The following NOD1 variants were observed in gnomAD, a reference collection of about 807,000 sequenced individuals.
NOD1 encodes nucleotide-binding oligomerization domain-containing protein 1.
NOD1 carries 70 observed loss-of-function variants against 81.2 expected under a neutral mutation model. The observed-to-expected ratio is 0.86, with a 90% CI of 0.71 to 1.05. The LOEUF (loss-of-function observed/expected upper bound fraction) is 1.05. Among genes scored for constraint, NOD1 ranks in the 50% least tolerant of loss-of-function variants. The pLI, the probability that NOD1 is intolerant of heterozygous loss-of-function variation, is 0.00. For synonymous variants in NOD1, 508 were observed against 526.9 expected, an observed-to-expected ratio of 0.96 and a Z score of 0.49; for missense variants, 1,233 against 1,228.0, an observed-to-expected ratio of 1.00 and a Z score of -0.06.
At chr7:30,446,493 C>T (rs746609016) in intron 8 of NOD1, 1 of 495,782 alleles carries the variant, frequency 2.0e-6, no homozygotes, top group Non-Finnish European at 3.6e-6. Context: ...TCTAATTGAC[C>T]TCAGCAGCAT....
At chr7:30,439,280 G>T (rs928006757) in intron 9 of NOD1, among the ~76,000 whole-genome samples, 2 of 141,146 alleles carry the variant, frequency 1.4e-5, no homozygotes, top group African/African-American at 3.2e-5. Flanking sequence ...GAACAGCTCC[G>T]GTCTACAGCT....
At position 30,451,241 on chromosome 7, in the gene NOD1, A is replaced by C. The variant is rs529703767; in HGVS notation, c.2176T>G (p.Cys726Gly). The C allele has an allele frequency of 6.2e-7, 1 of 1,613,718 alleles. No homozygotes were observed. The highest frequency in any genetic ancestry group is 1.3e-5 in the African/African-American group (1 of 75,046). ...CTGAGAACAGTGAGGCGGCTGAAGC[A>C]GGGCTGCAGCTCCCGCACGCCGTAG... ...NDYGVRELQP[C>G]FSRLTVLRLS... The change falls in exon 6 of 14, where the codon TGC becomes GGC. Residue 726 changes from cysteine to glycine, a missense_variant. Cys to Gly is a radical substitution (Grantham distance 159, BLOSUM62 -3). Coordinates refer to ENST00000222823, the MANE Select transcript of NOD1 (RefSeq NM_006092.4). The surrounding 1 kb of genome is among the most constrained non-coding windows in gnomAD (Gnocchi z 4.2).
Position 30,451,635 on chromosome 7 carries a change from C to G in NOD1, c.1782G>C (p.Gly594=). The G allele has an allele frequency of 6.2e-7, 1 of 1,613,964 alleles. No individual in the cohort carries two copies. The highest frequency in any genetic ancestry group is 1.7e-5 in the Admixed American group (1 of 60,024). ...GTTTCTGTTTGGCTTTGGACAACAG[C>G]CCGCACAGGAAGAGGTTGGTGAACT... ...HFQFTNLFLC[G]LLSKAKQKLL... The change falls in exon 6 of 14, where the codon GGG becomes GGC. Residue 594 remains glycine, a synonymous_variant. Coordinates refer to ENST00000222823, the MANE Select transcript of NOD1 (RefSeq NM_006092.4). The surrounding 1 kb of genome is among the most constrained non-coding windows in gnomAD (Gnocchi z 4.2).
chr7:30,453,054 G>A lies in NOD1; in HGVS notation c.377-14C>T, dbSNP rs751079226. 12 of 1,590,740 alleles carry A rather than the reference G, an allele frequency of 7.5e-6. No individual in the cohort carries two copies. In the East Asian group the frequency reaches 2.0e-4, roughly 27 times the overall value. On this transcript the variant is annotated splice_polypyrimidine_tract_variant and intron_variant, in intron 5 of 13. Transcript: ENST00000222823. Reference sequence around the variant, plus strand: ...TATACCTGCTCACTGGAGGGAGGGGGTGGCAGGGCACAGCAGCAGGGTGAG... The same window carrying A: ...TATACCTGCTCACTGGAGGGAGGGGATGGCAGGGCACAGCAGCAGGGTGAG...
intron 1 of NOD1, chr7:30,460,614 C>T: frequency 1.1e-5 from 11 of 985,358 alleles, no homozygotes; most frequent in Non-Finnish European, 1.2e-5. Context: ...GATGGATCAC[C>T]AAGTGGAAAA....
chr7:30,457,073 CAA>C, intron 3 of NOD1, 31 bp from the exon 4 acceptor site: 1 of 646,264 alleles, frequency 1.5e-6, no homozygotes. Flanking sequence ...ATCAGCAAAG[CAA>C]AAGCTACAGA....
At chr7:30,460,964 A>C (rs1309767750) in intron 1 of NOD1, among the ~76,000 whole-genome samples, 1 of 152,238 alleles carries the variant, frequency 6.6e-6, no homozygotes, top group Non-Finnish European at 1.5e-5. Context: ...AAAAGGAAGC[A>C]GGGATTGCAG....
intron 11 of NOD1, 177 bp from the exon 12 acceptor site, chr7:30,433,356 T>A (rs1021953015): frequency 3.4e-6 from 2 of 584,164 alleles, no homozygotes. Flanking sequence ...AGAAGGTCAA[T>A]GGGACTCATT....
chr7:30,477,866 T>G (rs906403608), intron 1 of NOD1, among the ~76,000 whole-genome samples: 1 of 138,882 alleles, frequency 7.2e-6, no homozygotes, highest in Non-Finnish European at 1.5e-5. Context: ...ATCAAGGCCA[T>G]GGGTTTACTA....
chr7:30,454,145 C>T (rs1255735418), intron 5 of NOD1, among the ~76,000 whole-genome samples: 4 of 152,212 alleles, frequency 2.6e-5, no homozygotes, highest in Non-Finnish European at 5.9e-5. Flanking sequence ...GACACTCTGC[C>T]GGCTGGCCTT....
chr7:30,433,309 A>G (rs1784105536), intron 11 of NOD1, 130 bp from the exon 12 acceptor site: 1 of 675,320 alleles, frequency 1.5e-6, no homozygotes. Flanking sequence ...AGAACCCAGA[A>G]AACAGCCAGG....
intron 13 of NOD1, among the ~76,000 whole-genome samples, chr7:30,426,657 AC>A (rs1783483144): frequency 6.6e-6 from 1 of 152,016 alleles, no homozygotes; most frequent in Non-Finnish European, 1.5e-5. Flanking sequence ...TAGGATAAAG[AC>A]CAAAATGCAC....
intron 1 of NOD1, among the ~76,000 whole-genome samples, chr7:30,466,939 G>A (rs889245307): frequency 6.6e-6 from 1 of 152,092 alleles, no homozygotes; most frequent in Admixed American, 6.5e-5. Flanking sequence ...CTCCCAACTT[G>A]TGTTGGGTCC....
intron 9 of NOD1, among the ~76,000 whole-genome samples, chr7:30,438,662 A>G (rs1489896902): frequency 6.6e-6 from 1 of 152,240 alleles, no homozygotes; most frequent in Non-Finnish European, 1.5e-5. Context: ...AAGAGTTTTC[A>G]GTGTTTTGCT....
rs140433781 is a variant in NOD1, at chr7:30,436,507, C to T, written c.2538-426G>A. Among the ~76,000 whole-genome samples, 209 of 152,354 alleles carry T rather than the reference C, an allele frequency of 1.4e-3. 1 individual carries two copies. Among genetic ancestry groups the T allele is most frequent in the African/African-American group, 4.7e-3 (195 of 41,588 alleles). The stretch of plus-strand genomic sequence containing the variant: ...TTTTCAGTGGTAGGAAGAACAGCAG[C>T]AGAGCCGTGGACATACCAAGGTCCC... On this transcript the variant is annotated intron_variant, in intron 10 of 13. Transcript: ENST00000222823.
rs776037232 is a variant in NOD1, at chr7:30,451,356, GGCGTT to G, written c.2056_2060del (p.Asn686LeufsTer55). On this transcript the variant is annotated frameshift_variant, in exon 6 of 14. Transcript: ENST00000222823. LOFTEE classifies it high-confidence loss of function. The surrounding 1 kb of genome is among the most constrained non-coding windows in gnomAD (Gnocchi z 4.2). The stretch of plus-strand genomic sequence containing the variant: ...AGAGGGCGCTGCAGTCGGCCGAGCA[GGCGTT>G]GCAGTAGGTCAGCTTGAGGTAGTTG... 3.7e-6 allele frequency: 6 copies of G among 1,614,092 alleles called. No individual in the cohort carries two copies. The highest frequency in any genetic ancestry group is 1.3e-5 in the African/African-American group (1 of 74,942).
chr7:30,452,009 C>G lies in NOD1; in HGVS notation c.1408G>C (p.Gly470Arg). 1 of 1,613,534 alleles carries G rather than the reference C, an allele frequency of 6.2e-7. No homozygotes were observed. Among genetic ancestry groups the G allele is most frequent in the Non-Finnish European group, 8.5e-7 (1 of 1,179,980 alleles). ...LCSLGQVAHRGMEKSLFVFTQ... is the reference protein window; with the variant it reads ...LCSLGQVAHRRMEKSLFVFTQ... ...AAGACAAAGAGGCTCTTCTCCATGC[C>G]CCGGTGGGCCACCTGCCCCAGCGAG... The change falls in exon 6 of 14, where the codon GGC (glycine) becomes CGC (arginine). Residue 470 changes from glycine (G) to arginine (R), a missense_variant. Transcript: ENST00000222823.
At chr7:30,426,928 A>G (rs1340197774) in intron 13 of NOD1, among the ~76,000 whole-genome samples, 1 of 152,166 alleles carries the variant, frequency 6.6e-6, no homozygotes, top group Non-Finnish European at 1.5e-5. Context: ...CTGCAACCTC[A>G]TCTAAATCAG....
chr7:30,461,233 G>A (rs1267166521), intron 1 of NOD1, among the ~76,000 whole-genome samples: 8 of 151,950 alleles, frequency 5.3e-5, no homozygotes, highest in African/African-American at 1.7e-4. Context: ...GCTGGAGTGC[G>A]GTGGCGCAAT....
Sources: allele counts gnomAD v4.1 joint callset (sites outside exome capture counted in the v4.1 genomes callset), GRCh38; gene constraint gnomAD v4.1.1; non-coding constraint Gnocchi (gnomAD v3.1); transcripts MANE v1.5; gene names NCBI Gene and HGNC (gene_info 2026-07-23, HGNC 2026-07-21).